DLC1: variants seen among roughly 807,000 people sequenced by gnomAD.
DLC1 encodes DLC1 Rho GTPase activating protein.
Under a neutral mutation model 140.3 loss-of-function variants are expected in DLC1, and 54 were observed. The ratio of observed to expected loss-of-function variants is 0.38; its 90% CI spans 0.31 to 0.48. DLC1 has a LOEUF of 0.48. Ranked by LOEUF, DLC1 falls within the 20% of genes least tolerant of loss-of-function variation. The pLI, the probability that DLC1 is intolerant of heterozygous loss-of-function variation, is 0.96. For missense variants in DLC1, 2,536 were observed against 1,907.0 expected (o/e 1.33, Z -6.14); for synonymous variants, 986 against 728.1 (o/e 1.35, Z -5.70).
chr8:13,346,067 A>G (rs937756508), intron 4 of DLC1, among the ~76,000 whole-genome samples: 1 of 152,192 alleles, frequency 6.6e-6, no homozygotes. Context: ...TAAGCTAGAT[A>G]CTTGTCAATA....
intron 5 of DLC1, among the ~76,000 whole-genome samples, chr8:13,194,289 A>C (rs1826928250): frequency 6.6e-6 from 1 of 152,240 alleles, no homozygotes. Context: ...TTATGCCAAT[A>C]GCTATGTGGA....
intron 4 of DLC1, among the ~76,000 whole-genome samples, chr8:13,362,911 C>G (rs1357807341): frequency 3.3e-5 from 5 of 152,154 alleles, no homozygotes; most frequent in African/African-American, 1.2e-4. Context: ...CCTAGAGAGG[C>G]CTTTCCAGAC....
chr8:13,455,132 TCAAA>T (rs1221133180), intron 2 of DLC1, among the ~76,000 whole-genome samples: 1 of 152,156 alleles, frequency 6.6e-6, no homozygotes, highest in Non-Finnish European at 1.5e-5. Context: ...TTCATATAAA[TCAAA>T]CAAAATGATT....
intron 5 of DLC1, among the ~76,000 whole-genome samples, chr8:13,221,916 A>T (rs1355680328): frequency 1.4e-5 from 2 of 145,174 alleles, no homozygotes; most frequent in Non-Finnish European, 3.0e-5. Flanking sequence ...ATATATTAGT[A>T]TATAAAAAGT....
Position 13,542,231 on chromosome 8 carries a change from T to C in DLC1, c.-125-42035A>G, listed in dbSNP as rs553721855. 4.6e-5 allele frequency among the ~76,000 whole-genome samples: 7 copies of C among 152,344 alleles called. No homozygotes were observed. In the South Asian group the frequency reaches 1.4e-3, roughly 32 times the overall value. On this transcript the variant is annotated intron_variant, in intron 1 of 1. Coordinates refer to the DLC1 transcript ENST00000631382. Reference sequence around the variant, plus strand: ...TGGCCTGTGTTCTATTTAGAGACTGTCTGTGGTATAAAGAGCCAAGATTTT... The same window carrying C: ...TGGCCTGTGTTCTATTTAGAGACTGCCTGTGGTATAAAGAGCCAAGATTTT...
At chr8:13,424,120 G>T (rs1278397613) in intron 2 of DLC1, among the ~76,000 whole-genome samples, 1 of 152,042 alleles carries the variant, frequency 6.6e-6, no homozygotes, top group Admixed American at 6.5e-5. Context: ...CAGTGTTCTG[G>T]CAGACTGTCC....
intron 1 of DLC1, among the ~76,000 whole-genome samples, chr8:13,547,620 A>G (rs1803697172): frequency 1.3e-5 from 2 of 152,108 alleles, no homozygotes; most frequent in South Asian, 2.1e-4. Context: ...CAGCAGAGAC[A>G]AACACAGTTT....
chr8:13,525,745 A>G (rs1021258959), intron 1 of DLC1, among the ~76,000 whole-genome samples: 3 of 152,158 alleles, frequency 2.0e-5, no homozygotes, highest in Admixed American at 2.0e-4. Flanking sequence ...TGATTTGCAA[A>G]TATTTCTTCT....
At chr8:13,522,353 G>A (rs377203840) in intron 1 of DLC1, among the ~76,000 whole-genome samples, 13 of 152,208 alleles carry the variant, frequency 8.5e-5, no homozygotes, top group Admixed American at 3.3e-4. Flanking sequence ...GTCTGGGAGC[G>A]GTGGTTCAGG....
chr8:13,556,395 A>T (rs758994405), intron 1 of DLC1, among the ~76,000 whole-genome samples: 25 of 152,280 alleles, frequency 1.6e-4, no homozygotes, highest in Admixed American at 7.2e-4. Flanking sequence ...ACTTCCAAAA[A>T]TTCTGATTTA....
At chr8:13,246,744 C>A (rs141077472) in intron 5 of DLC1, among the ~76,000 whole-genome samples, 4,879 of 151,828 alleles carry the variant, frequency 0.032, 113 homozygotes, top group Middle Eastern at 0.048. Context: ...TCACATTTAT[C>A]TGAGTTCCTA....
chr8:13,472,184 A>G (rs1432985517), intron 2 of DLC1, among the ~76,000 whole-genome samples: 2 of 152,170 alleles, frequency 1.3e-5, no homozygotes, highest in Non-Finnish European at 2.9e-5. Flanking sequence ...TAACTTTCCC[A>G]GGGAATGGTT....
intron 1 of DLC1, among the ~76,000 whole-genome samples, chr8:13,576,119 G>T (rs949274528): frequency 2.0e-5 from 3 of 152,182 alleles, no homozygotes; most frequent in African/African-American, 7.2e-5. Flanking sequence ...CTCTTTATCA[G>T]AATGTCTGGA....
At chr8:13,415,959 C>G (rs1288920502) in intron 2 of DLC1, among the ~76,000 whole-genome samples, 1 of 152,058 alleles carries the variant, frequency 6.6e-6, no homozygotes, top group Admixed American at 6.6e-5. Context: ...ACAACTATGC[C>G]AAAGTTAGGA....
At chr8:13,239,854 C>A (rs1287247918) in intron 5 of DLC1, among the ~76,000 whole-genome samples, 4 of 152,128 alleles carry the variant, frequency 2.6e-5, no homozygotes, top group Non-Finnish European at 4.4e-5. Flanking sequence ...AAGCAATTTA[C>A]AAAGTGGCTT....
chr8:13,312,499 A>T (rs188645260), intron 4 of DLC1, among the ~76,000 whole-genome samples: 251 of 152,034 alleles, frequency 1.7e-3, no homozygotes, highest in Non-Finnish European at 3.1e-3. Flanking sequence ...TGTATCTCTA[A>T]GAAATTTACA....
chr8:13,334,680 G>A (rs546066269), intron 4 of DLC1, among the ~76,000 whole-genome samples: 24 of 152,290 alleles, frequency 1.6e-4, no homozygotes, highest in Non-Finnish European at 2.9e-4. Flanking sequence ...GAAGAAAAGA[G>A]AAGAATCAAA....
intron 5 of DLC1, among the ~76,000 whole-genome samples, chr8:13,148,121 T>G (rs1823566338): frequency 6.6e-6 from 1 of 150,938 alleles, no homozygotes; most frequent in African/African-American, 2.4e-5. Context: ...GATGTTTGAT[T>G]TTTTTTTTTA....
chr8:13,601,443 C>T (rs769495196), intron 1 of DLC1, among the ~76,000 whole-genome samples: 39 of 151,748 alleles, frequency 2.6e-4, no homozygotes, highest in Non-Finnish European at 4.1e-4. Context: ...CCATAGTTCC[C>T]GGATTGTTAG....
Sources: allele counts gnomAD v4.1 joint callset (sites outside exome capture counted in the v4.1 genomes callset), GRCh38; gene constraint gnomAD v4.1.1; transcripts MANE v1.5; gene names NCBI Gene and HGNC (gene_info 2026-07-23, HGNC 2026-07-21).